The following ITGA9 variants were observed in gnomAD, a reference collection of about 807,000 sequenced individuals.
The protein encoded by ITGA9 is integrin alpha-9.
A neutral mutation model predicts 127.8 loss-of-function variants in ITGA9; 56 were observed. The ratio of observed to expected loss-of-function variants is 0.44; its 90% CI spans 0.35 to 0.55. The LOEUF (loss-of-function observed/expected upper bound fraction) is 0.55. ITGA9 is among the 20% of genes least tolerant of loss of function. The pLI, the probability that ITGA9 is intolerant of heterozygous loss-of-function variation, is 0.00. For missense variants in ITGA9, 1,196 were observed against 1,347.1 expected, an observed-to-expected ratio of 0.89 and a Z score of 1.76; for synonymous variants, 508 against 514.5, an observed-to-expected ratio of 0.99 and a Z score of 0.17.
intron 15 of ITGA9, among the ~76,000 whole-genome samples, chr3:37,578,317 C>T (rs967638418): frequency 6.6e-6 from 1 of 152,220 alleles, no homozygotes; most frequent in South Asian, 2.1e-4. Context: ...ATTTATGTGC[C>T]TTATAGGCCA....
intron 15 of ITGA9, among the ~76,000 whole-genome samples, chr3:37,611,875 G>A (rs770643811): frequency 1.3e-5 from 2 of 152,058 alleles, no homozygotes; most frequent in Non-Finnish European, 2.9e-5. Flanking sequence ...CACTCTCTGC[G>A]CTCTTCCCTT....
chr3:37,533,944 TAC>T (rs1416919602), intron 14 of ITGA9, among the ~76,000 whole-genome samples: 2 of 152,198 alleles, frequency 1.3e-5, no homozygotes, highest in African/African-American at 4.8e-5. Flanking sequence ...ATGCTGGTGT[TAC>T]AGAGGCTTAG....
intron 18 of ITGA9, among the ~76,000 whole-genome samples, chr3:37,712,710 G>C (rs1472754879): frequency 1.3e-5 from 2 of 152,120 alleles, no homozygotes; most frequent in African/African-American, 4.8e-5. Flanking sequence ...ATGGTTGCCA[G>C]GCTACAGTAA....
At chr3:37,672,765 A>G (rs1700649302) in intron 17 of ITGA9, among the ~76,000 whole-genome samples, 1 of 152,204 alleles carries the variant, frequency 6.6e-6, no homozygotes, top group African/African-American at 2.4e-5. Context: ...ACCACAGGAC[A>G]AGACTAGTAG....
chr3:37,714,405 G>T (rs1701111852), intron 18 of ITGA9, among the ~76,000 whole-genome samples: 1 of 152,166 alleles, frequency 6.6e-6, no homozygotes, highest in South Asian at 2.1e-4. Context: ...GTAACATCTG[G>T]ATGTCGCAGT....
At chr3:37,673,198 A>G (rs1700653462) in intron 17 of ITGA9, among the ~76,000 whole-genome samples, 1 of 152,234 alleles carries the variant, frequency 6.6e-6, no homozygotes, top group African/African-American at 2.4e-5. Flanking sequence ...ACTCCATTTT[A>G]GTACCTCGTT....
chr3:37,778,137 T>TA (rs1450825110), intron 24 of ITGA9, among the ~76,000 whole-genome samples: 1 of 152,202 alleles, frequency 6.6e-6, no homozygotes, highest in Non-Finnish European at 1.5e-5. Context: ...AAAAGCCACA[T>TA]ATTGTAATAT....
chr3:37,529,813 G>A (rs1471755965), intron 13 of ITGA9, among the ~76,000 whole-genome samples: 1 of 152,188 alleles, frequency 6.6e-6, no homozygotes, highest in Non-Finnish European at 1.5e-5. Flanking sequence ...GATGAGGTTG[G>A]TGAGAGTGAT....
chr3:37,604,777 T>C (rs1656560784), intron 15 of ITGA9, among the ~76,000 whole-genome samples: 1 of 152,182 alleles, frequency 6.6e-6, no homozygotes, highest in South Asian at 2.1e-4. Context: ...GGGAGAGTTA[T>C]TAATAGTTTC....
At chr3:37,471,988 A>G (rs1242936519) in intron 2 of ITGA9, among the ~76,000 whole-genome samples, 1 of 152,242 alleles carries the variant, frequency 6.6e-6, no homozygotes, top group Non-Finnish European at 1.5e-5. Context: ...CAGGAGGTCA[A>G]GGGTGCAGTG....
rs762793320 is a variant in ITGA9, at chr3:37,452,603, C to T, written c.185+44C>T. ...CCGCGACCCTGGCCCGCGCGGCCAC[C>T]GCCCCGGCCCCCAGGCCAGCGCCGC... On this transcript the variant is annotated intron_variant, in intron 1 of 27. Transcript: ENST00000264741. The surrounding 1 kb of genome is among the most constrained non-coding windows in gnomAD (Gnocchi z 7.3). 76 of 1,462,156 alleles carry T rather than the reference C, an allele frequency of 5.2e-5. No individual in the cohort carries two copies. Among genetic ancestry groups the T allele is most frequent in the Non-Finnish European group, 6.3e-5 (69 of 1,099,436 alleles). The allele number at this position is 1,462,156 out of a possible 1,614,324, so 90.6% of individuals were successfully genotyped here.
In ITGA9 at chr3:37,519,259, G is replaced by A; in HGVS notation, c.1142-1G>A. On this transcript the variant is annotated splice_acceptor_variant, in intron 10 of 27. Transcript: ENST00000264741. LOFTEE classifies it high-confidence loss of function. ...ACCCATAGCTGTTTTTTTACCCTCA[G>A]ATGTGGCCATTGGTGCACCCAAGGA... The A allele has an allele frequency of 6.2e-7, 1 of 1,613,532 alleles. No homozygotes were observed. The highest frequency in any genetic ancestry group is 8.5e-7 in the Non-Finnish European group (1 of 1,179,488).
At chr3:37,776,142 G>A (rs1220504453) in intron 23 of ITGA9, among the ~76,000 whole-genome samples, 1 of 152,164 alleles carries the variant, frequency 6.6e-6, no homozygotes, top group Non-Finnish European at 1.5e-5. Flanking sequence ...GAGAACTCAT[G>A]AACACAAAGA....
intron 24 of ITGA9, among the ~76,000 whole-genome samples, chr3:37,778,364 A>C (rs1406030978): frequency 6.6e-6 from 1 of 152,190 alleles, no homozygotes; most frequent in African/African-American, 2.4e-5. Context: ...CATGCCTGTA[A>C]TACCAGCACT....
rs185233296 is a variant in ITGA9 at position 37,698,201 on chromosome 3, C to A, written c.2067+14186C>A. Reference sequence around the variant, plus strand: ...GGCATTGTTTGTTTTTTTTCTTGTACATTTGTTTAAGTTCTTTGTAGATTC... The same window carrying A: ...GGCATTGTTTGTTTTTTTTCTTGTAAATTTGTTTAAGTTCTTTGTAGATTC... On this transcript the variant is annotated intron_variant, in intron 18 of 27. Transcript: ENST00000264741. Among the ~76,000 whole-genome samples, 296 of 151,918 alleles carry A rather than the reference C, an allele frequency of 1.9e-3. 2 individuals carry two copies. Among genetic ancestry groups the A allele is most frequent in the African/African-American group, 6.9e-3 (287 of 41,428 alleles).
intron 13 of ITGA9, 60 bp from the exon 14 acceptor site, chr3:37,533,254 G>A: frequency 6.7e-7 from 1 of 1,499,290 alleles, no homozygotes; most frequent in Non-Finnish European, 9.3e-7. Flanking sequence ...TCTAGTTCTT[G>A]TTTGGTTCTG....
chr3:37,525,827 GTAGCCTGC>G (rs1699087069), intron 12 of ITGA9, among the ~76,000 whole-genome samples, 191 bp from the exon 13 acceptor site: 3 of 152,196 alleles, frequency 2.0e-5, no homozygotes, highest in Admixed American at 2.0e-4. Flanking sequence ...CAAGGCCCCA[GTAGCCTGC>G]GTAGGGATTG....
chr3:37,690,308 C>T (rs1307143654), intron 18 of ITGA9, among the ~76,000 whole-genome samples: 1 of 152,092 alleles, frequency 6.6e-6, no homozygotes, highest in Non-Finnish European at 1.5e-5. Flanking sequence ...GAACAAAGGG[C>T]CAGTAACATT....
chr3:37,492,959 A>G lies in ITGA9; in HGVS notation c.545-1542A>G, dbSNP rs1698687772. On this transcript the variant is annotated intron_variant, in intron 4 of 27. Transcript: ENST00000264741. The stretch of plus-strand genomic sequence containing the variant: ...ATGCAGGATTTGTTCATTGCTTTGC[A>G]CTAGTCTCACTCGCAGCCCTGGTGC... Among the ~76,000 whole-genome samples, 2 of 152,202 alleles carry G rather than the reference A, an allele frequency of 1.3e-5. 1 individual carries two copies. Among genetic ancestry groups the G allele is most frequent in the Admixed American group, 1.3e-4 (2 of 15,288 alleles).
Sources: allele counts gnomAD v4.1 joint callset (sites outside exome capture counted in the v4.1 genomes callset), GRCh38; gene constraint gnomAD v4.1.1; non-coding constraint Gnocchi (gnomAD v3.1); transcripts MANE v1.5; gene names NCBI Gene and HGNC (gene_info 2026-07-23, HGNC 2026-07-21).